ABCG5: variants seen among roughly 807,000 people sequenced by gnomAD.
ABCG5 encodes the protein ATP-binding cassette sub-family G member 5.
ABCG5 carries 64 observed loss-of-function variants against 64.5 expected under a neutral mutation model. That is an observed-to-expected ratio of 0.99 (90% CI 0.81 to 1.22). The LOEUF is 1.22. Ranked by LOEUF, ABCG5 falls within the 50% of genes most tolerant of loss-of-function variation. ABCG5 has a pLI of 0.00. For missense variants in ABCG5, 908 were observed against 829.5 expected (o/e 1.09, Z -1.16); for synonymous variants, 385 against 326.3 (o/e 1.18, Z -1.94).
chr2:43,813,969 G>A (rs1226006433), intron 12 of ABCG5, among the ~76,000 whole-genome samples: 1 of 151,842 alleles, frequency 6.6e-6, no homozygotes, highest in South Asian at 2.1e-4. Context: ...TCCAACCTCC[G>A]ACTCCCAAAG....
intron 10 of ABCG5, among the ~76,000 whole-genome samples, chr2:43,821,181 A>G (rs1667173904): frequency 6.6e-6 from 1 of 152,182 alleles, no homozygotes; most frequent in Admixed American, 6.5e-5. Flanking sequence ...TGTACAAATC[A>G]TGAAGTTTGC....
chr2:43,828,249 T>C, intron 4 of ABCG5, 134 bp from the exon 5 acceptor site: 1 of 1,169,798 alleles, frequency 8.5e-7, no homozygotes, highest in Non-Finnish European at 1.2e-6. Flanking sequence ...CACCACACCC[T>C]GGGGAAAGCA....
At chr2:43,832,614 C>A (rs1261375817) in intron 2 of ABCG5, 1 of 168,882 alleles carries the variant, frequency 5.9e-6, no homozygotes, top group Non-Finnish European at 1.3e-5. Flanking sequence ...GCACCCAAGA[C>A]CTGCTGAGTC....
At position 43,822,891 on chromosome 2, in the gene ABCG5, G is replaced by A; in HGVS notation, c.1369C>T (p.Leu457Phe). The change falls in exon 10 of 13, where the codon CTC becomes TTC. Residue 457 changes from leucine (L) to phenylalanine (F), a missense_variant. Leu to Phe is a conservative substitution (Grantham distance 22). Transcript: ENST00000405322. Reference protein sequence around the residue: ...AVSDQESQDGLYQKWQMMLAY... With the variant: ...AVSDQESQDGFYQKWQMMLAY... ...AGCATCATCTGCCACTTCTGGTAGA[G>A]GCCGTCCTGACTCTCCTGGTCGCTG... The A allele has an allele frequency of 1.2e-6, 2 of 1,614,104 alleles. No individual in the cohort carries two copies. The highest frequency in any genetic ancestry group is 1.1e-5 in the South Asian group (1 of 91,060).
intron 10 of ABCG5, chr2:43,822,354 C>G (rs961705530): frequency 4.9e-6 from 1 of 205,058 alleles, no homozygotes; most frequent in Non-Finnish European, 8.6e-6. Flanking sequence ...GCTGCCCAAT[C>G]CTGCTTCTCT....
intron 5 of ABCG5, 55 bp downstream of exon 5, chr2:43,827,926 GCA>G: frequency 6.2e-7 from 1 of 1,608,702 alleles, no homozygotes; most frequent in Non-Finnish European, 8.5e-7. Context: ...CAAAGTATCT[GCA>G]CACACACAGA....
intron 10 of ABCG5, 37 bp downstream of exon 10, chr2:43,822,760 G>C: frequency 6.2e-7 from 1 of 1,613,828 alleles, no homozygotes; most frequent in Non-Finnish European, 8.5e-7. Flanking sequence ...ATGACTCCAT[G>C]GGAGCCCGGC....
chr2:43,826,136 T>G (rs1667585635), intron 6 of ABCG5, among the ~76,000 whole-genome samples: 1 of 151,804 alleles, frequency 6.6e-6, no homozygotes, highest in Non-Finnish European at 1.5e-5. Flanking sequence ...CCACCATGCC[T>G]GGCTAATTTT....
Position 43,824,939 on chromosome 2 carries a change from T to TGC in ABCG5, c.853_854insGC (p.Asn285SerfsTer21). The TGC allele has an allele frequency of 6.2e-7, 1 of 1,614,090 alleles. No homozygotes were observed. Among genetic ancestry groups the TGC allele is most frequent in the East Asian group, 2.2e-5 (1 of 44,836 alleles). ...TTCAGGACAAGGGTAACCGCAGTCA[T>TGC]TGAAGAAATCAAGCATTTCCGCTGG... On this transcript the variant is annotated frameshift_variant, in exon 7 of 13. Coordinates refer to ENST00000405322, the MANE Select transcript of ABCG5 (RefSeq NM_022436.3). LOFTEE classifies it high-confidence loss of function.
rs758153520 is a variant in ABCG5, at chr2:43,822,961, ACAGT to A, written c.1325-30_1325-27del. The A allele has an allele frequency of 3.3e-5, 54 of 1,612,586 alleles. No individual in the cohort carries two copies. In the East Asian group the frequency reaches 6.9e-4, roughly 21 times the overall value. On this transcript the variant is annotated intron_variant, in intron 9 of 12. Coordinates refer to ENST00000405322, the MANE Select transcript of ABCG5 (RefSeq NM_022436.3). ...CTGGGGATGGAAGGCAGGTTTCAGAACAGTCAGTCACCACCCAGCTGAAAAAGGG... is the reference window on the plus strand; with the variant it reads ...CTGGGGATGGAAGGCAGGTTTCAGAACAGTCACCACCCAGCTGAAAAAGGG...
Position 43,812,931 on chromosome 2 carries a change from A to T in ABCG5, c.*185T>A. The stretch of plus-strand genomic sequence containing the variant: ...TCCCTGCAAGTTGTAAGAGCAAGGG[A>T]CTATAAACCACTTCCATTGCATTCA... On this transcript the variant is annotated 3_prime_UTR_variant, in exon 13 of 13. Transcript: ENST00000405322. The T allele has an allele frequency of 1.7e-6, 1 of 605,312 alleles. No individual in the cohort carries two copies. 37.5% of individuals were successfully genotyped at this position (605,312 alleles called of 1,614,324 possible).
At chr2:43,821,299 T>C (rs541197234) in intron 10 of ABCG5, among the ~76,000 whole-genome samples, 16 of 152,298 alleles carry the variant, frequency 1.1e-4, no homozygotes, top group African/African-American at 3.4e-4. Context: ...TTTTTGCTCC[T>C]CTCCCCTATC....
At chr2:43,817,483 T>A (rs1312943990) in intron 11 of ABCG5, among the ~76,000 whole-genome samples, 1 of 151,614 alleles carries the variant, frequency 6.6e-6, no homozygotes, top group African/African-American at 2.4e-5. Context: ...AGTGAGACTC[T>A]GCGTCAAGAA....
intron 2 of ABCG5, chr2:43,832,515 A>T (rs2104868311): frequency 4.3e-6 from 1 of 230,876 alleles, no homozygotes; most frequent in African/African-American, 2.2e-5. Context: ...TTGTACCTGG[A>T]TGTAGGTGAC....
At chr2:43,826,343 C>T (rs1160250402) in intron 6 of ABCG5, 39 bp downstream of exon 6, 1 of 1,613,168 alleles carries the variant, frequency 6.2e-7, no homozygotes, top group Non-Finnish European at 8.5e-7. Context: ...CCCAGCTCAA[C>T]ACACCATAGA....
chr2:43,838,964 C>G (rs1668454903), upstream of ABCG5: 2 of 1,414,600 alleles, frequency 1.4e-6, no homozygotes, highest in Non-Finnish European at 1.9e-6. The surrounding 1 kb of genome is among the most constrained non-coding windows in gnomAD (Gnocchi z 4.2). Context: ...GGTGTCCCTG[C>G]TCCAGGAAAC....
chr2:43,817,026 G>A (rs1462969475), intron 11 of ABCG5, among the ~76,000 whole-genome samples: 1 of 152,190 alleles, frequency 6.6e-6, no homozygotes, highest in Non-Finnish European at 1.5e-5. Flanking sequence ...ATGATGACTG[G>A]GGAGAAAAAT....
chr2:43,824,811 T>A, intron 7 of ABCG5, 78 bp downstream of exon 7: 1 of 1,584,054 alleles, frequency 6.3e-7, no homozygotes, highest in Non-Finnish European at 8.7e-7. Flanking sequence ...TCCACTAGAC[T>A]GGTGTCATCC....
At position 43,813,328 on chromosome 2, in the gene ABCG5, A is replaced by T. The variant is rs1198370729; in HGVS notation, c.1763-19T>A. ...GAGCTGCCTGTCAAGGAAAAGATTG[A>T]CAGTGTCAGGTGTGGTTTATCTCAG... On this transcript the variant is annotated intron_variant, in intron 12 of 12. Coordinates refer to ENST00000405322, the MANE Select transcript of ABCG5 (RefSeq NM_022436.3). 2 of 1,564,294 alleles carry T rather than the reference A, an allele frequency of 1.3e-6. No homozygotes were observed. Among genetic ancestry groups the T allele is most frequent in the East Asian group, 4.5e-5 (2 of 44,670 alleles).
Sources: allele counts gnomAD v4.1 joint callset (sites outside exome capture counted in the v4.1 genomes callset), GRCh38; gene constraint gnomAD v4.1.1; non-coding constraint Gnocchi (gnomAD v3.1); transcripts MANE v1.5; gene names NCBI Gene and HGNC (gene_info 2026-07-23, HGNC 2026-07-21).